The following LNPEP variants were observed in gnomAD, a reference collection of about 807,000 sequenced individuals.
LNPEP encodes leucyl and cystinyl aminopeptidase.
Under a neutral mutation model 120.6 loss-of-function variants are expected in LNPEP, and 64 were observed. The observed-to-expected ratio is 0.53, with a 90% confidence interval of 0.43 to 0.65. LNPEP has a LOEUF of 0.65. Among genes scored for constraint, LNPEP ranks in the 30% least tolerant of loss-of-function variants. The pLI, the probability that LNPEP is intolerant of heterozygous loss-of-function variation, is 0.00. For missense variants in LNPEP, 1,057 were observed against 1,200.0 expected (o/e 0.88, Z 1.76); for synonymous variants, 435 against 425.4 (o/e 1.02, Z -0.28).
At chr5:96,974,865 C>T (rs1789951125) in intron 1 of LNPEP, among the ~76,000 whole-genome samples, 2 of 152,202 alleles carry the variant, frequency 1.3e-5, no homozygotes, top group Non-Finnish European at 1.5e-5. Flanking sequence ...CCTGATTTTC[C>T]TACCTTTGGT....
At chr5:96,984,667 C>T (rs1283555124) in intron 2 of LNPEP, among the ~76,000 whole-genome samples, 1 of 152,216 alleles carries the variant, frequency 6.6e-6, no homozygotes, top group East Asian at 1.9e-4. Flanking sequence ...TTTAACTTAA[C>T]CACTCAGCCA....
chr5:96,952,555 C>A lies in LNPEP; in HGVS notation c.19+16381C>A, dbSNP rs145665597. On this transcript the variant is annotated intron_variant, in intron 1 of 17. Coordinates refer to ENST00000231368, the MANE Select transcript of LNPEP (RefSeq NM_005575.3). ...CAAGTTTCTTAAGATAGATCTAGGT[C>A]ACAGGAGGGGAATGTTCTGGCCAGG... Among the ~76,000 whole-genome samples the A allele has an allele frequency of 3.5e-3, 528 of 152,192 alleles. 2 individuals are homozygous for A. The highest frequency in any genetic ancestry group is 0.012 in the African/African-American group (500 of 41,514).
chr5:96,979,199 G>C lies in LNPEP; in HGVS notation c.81G>C (p.Val27=), dbSNP rs1323655953. 3.1e-6 allele frequency: 5 copies of C among 1,613,698 alleles called. No homozygotes were observed. Among genetic ancestry groups the C allele is most frequent in the Non-Finnish European group, 3.4e-6 (4 of 1,179,848 alleles). The change falls in exon 2 of 18, where the codon GTG becomes GTC. Residue 27 remains valine (V), a synonymous_variant. Coordinates refer to ENST00000231368, the MANE Select transcript of LNPEP (RefSeq NM_005575.3). ...GCATGTTTGAGGAAGAACCAGATGT[G>C]GTGGATTTAGCCAAAGAGCCTTGTT... The part of the protein sequence containing the change: ...ENSMFEEEPD[V]VDLAKEPCLH...
Position 97,031,670 on chromosome 5 carries a change from C to T in LNPEP, c.*3137C>T, listed in dbSNP as rs972707227. 1.3e-5 allele frequency: 2 copies of T among 152,242 alleles called. No homozygotes were observed. Among genetic ancestry groups the T allele is most frequent in the Admixed American group, 1.3e-4 (2 of 15,284 alleles). The allele number at this position is 152,242 out of a possible 1,614,324, so 9.4% of individuals were successfully genotyped here. On this transcript the variant is annotated 3_prime_UTR_variant, in exon 18 of 18. Transcript: ENST00000231368. ...TTTTGGGATGCCAAGGTGGGCAGACCATTTGAGGCCAGGAGTTCTAAACCA... is the reference window on the plus strand; with the variant it reads ...TTTTGGGATGCCAAGGTGGGCAGACTATTTGAGGCCAGGAGTTCTAAACCA...
chr5:96,972,755 C>T (rs191089769), intron 1 of LNPEP, among the ~76,000 whole-genome samples: 1 of 152,142 alleles, frequency 6.6e-6, no homozygotes, highest in East Asian at 1.9e-4. Flanking sequence ...TAATCTGGTA[C>T]CAATTACTCT....
At position 97,030,620 on chromosome 5, in the gene LNPEP, C is replaced by CTCTGTGTGTGTGTG. The variant is rs1554071749; in HGVS notation, c.*2088_*2089insCTGTGTGTGTGTGT. 4.8e-5 allele frequency: 6 copies of CTCTGTGTGTGTGTG among 126,276 alleles called. No homozygotes were observed. The highest frequency in any genetic ancestry group is 8.4e-5 in the Non-Finnish European group (5 of 59,458). 7.8% of individuals were successfully genotyped at this position (126,276 alleles called of 1,614,324 possible). On this transcript the variant is annotated 3_prime_UTR_variant, in exon 18 of 18. Coordinates refer to ENST00000231368, the MANE Select transcript of LNPEP (RefSeq NM_005575.3). ...CATTTCTCTCCCTCTCTCTCTCTCT[C>CTCTGTGTGTGTGTG]TGTGTGTGTGTGTGTGTGTGTGTGT...
intron 11 of LNPEP, among the ~76,000 whole-genome samples, chr5:97,008,334 C>CTTTTTTTTTTTTTTTTTT (rs1561450377): frequency 2.1e-5 from 1 of 48,656 alleles, no homozygotes; most frequent in African/African-American, 8.2e-5. Context: ...TTTGTTTTTT[C>CTTTTTTTTTTTTTTTTTT]TTGTTTTTTT....
At chr5:96,967,960 A>G (rs1476172822) in intron 1 of LNPEP, among the ~76,000 whole-genome samples, 1 of 152,120 alleles carries the variant, frequency 6.6e-6, no homozygotes, top group East Asian at 1.9e-4. Flanking sequence ...TTTCTACAGC[A>G]TAAACCGGGC....
chr5:97,011,192 CT>C (rs1790917556), intron 11 of LNPEP: 11 of 985,292 alleles, frequency 1.1e-5, no homozygotes, highest in Middle Eastern at 1.0e-3. Flanking sequence ...ACTTGGGTCT[CT>C]GTAGCCCTTC....
At chr5:96,994,057 T>TA in intron 6 of LNPEP, 86 bp downstream of exon 6, 1 of 1,129,558 alleles carries the variant, frequency 8.9e-7, no homozygotes, top group Non-Finnish European at 1.3e-6. Context: ...TGCTAATAAT[T>TA]CTTTTTTTTT....
chr5:97,013,124 A>G (rs1328700417), intron 11 of LNPEP, among the ~76,000 whole-genome samples: 1 of 152,078 alleles, frequency 6.6e-6, no homozygotes, highest in Non-Finnish European at 1.5e-5. Context: ...GTGCATGGAT[A>G]ACATGTATAC....
chr5:97,003,419 C>A lies in LNPEP; in HGVS notation c.1658C>A (p.Ser553Tyr). 6.6e-7 allele frequency: 1 copy of A among 1,514,252 alleles called. No homozygotes were observed. Among genetic ancestry groups the A allele is most frequent in the Non-Finnish European group, 9.0e-7 (1 of 1,116,582 alleles). 93.8% of individuals were successfully genotyped at this position (1,514,252 alleles called of 1,614,324 possible). A position where few individuals can be genotyped will look rare whatever the true frequency, so the allele number is the denominator to read the frequency against. ...CCTCACTTTTTTTTTTAATAGGGATCTTCTCTCTTGTTGATGTTGAAAACT... is the reference window on the plus strand; with the variant it reads ...CCTCACTTTTTTTTTTAATAGGGATATTCTCTCTTGTTGATGTTGAAAACT... Reference protein sequence around the residue: ...MFDSLSYFKGSSLLLMLKTYL... With the variant: ...MFDSLSYFKGYSLLLMLKTYL... The change falls in exon 9 of 18, where the codon TCT (serine) becomes TAT (tyrosine). Residue 553 changes from serine to tyrosine, a missense_variant. Physicochemically the swap from Ser to Tyr is moderately radical, Grantham distance 144. Coordinates refer to ENST00000231368, the MANE Select transcript of LNPEP (RefSeq NM_005575.3).
At chr5:97,010,093 A>G (rs1790890118) in intron 11 of LNPEP, 1 of 171,362 alleles carries the variant, frequency 5.8e-6, no homozygotes, top group Non-Finnish European at 1.2e-5. Context: ...GTTTTGAACA[A>G]TTAGTATTTA....
chr5:96,938,250 C>G (rs1788968657), intron 1 of LNPEP, among the ~76,000 whole-genome samples: 3 of 152,132 alleles, frequency 2.0e-5, no homozygotes. Context: ...TCCCATTGGT[C>G]TGGGTGTGAT....
In LNPEP at chr5:96,958,507, G is replaced by A. The variant is rs1047514403; in HGVS notation, c.20-20631G>A. The A allele has an allele frequency of 1.5e-5, 15 of 985,044 alleles. 1 individual carries two copies. In the African/African-American group the frequency reaches 2.3e-4, roughly 15 times the overall value. The allele number at this position is 985,044 out of a possible 1,614,324, so 61.0% of individuals were successfully genotyped here. On this transcript the variant is annotated intron_variant, in intron 1 of 17. Coordinates refer to ENST00000231368, the MANE Select transcript of LNPEP (RefSeq NM_005575.3). ...CCGTACAGCCATGAATGTCAGGCAT[G>A]TTGTGGGGACTAGTTGTATTAGTTT...
At chr5:96,965,325 TA>T (rs570320225) in intron 1 of LNPEP, among the ~76,000 whole-genome samples, 97 of 145,288 alleles carry the variant, frequency 6.7e-4, no homozygotes, top group Admixed American at 8.3e-4. Flanking sequence ...TCCAGGTCCT[TA>T]AAAAAAAAAA....
chr5:96,994,050 T>TA, intron 6 of LNPEP, 79 bp downstream of exon 6: 2 of 1,167,722 alleles, frequency 1.7e-6, no homozygotes, highest in South Asian at 3.4e-5. Flanking sequence ...ATTTAGATGC[T>TA]AATAATTCTT....
chr5:97,020,340 G>T (rs1260251064), intron 13 of LNPEP, among the ~76,000 whole-genome samples: 3 of 152,296 alleles, frequency 2.0e-5, no homozygotes, highest in Non-Finnish European at 2.9e-5. Context: ...GGTTTTGCTT[G>T]TGGTCATCTG....
At chr5:96,952,672 A>G (rs539303724) in intron 1 of LNPEP, among the ~76,000 whole-genome samples, 1 of 152,302 alleles carries the variant, frequency 6.6e-6, no homozygotes, top group African/African-American at 2.4e-5. Flanking sequence ...AAGTAGAGAG[A>G]GACAGATTTT....
Sources: gnomAD v4.1 joint callset for allele counts (sites outside exome capture counted in the v4.1 genomes callset) on GRCh38, gnomAD v4.1.1 for gene constraint, MANE v1.5 for transcripts, NCBI Gene and HGNC (gene_info 2026-07-23, HGNC 2026-07-21) for gene names.